RUNX1T1: variants seen among roughly 807,000 people sequenced by gnomAD.
The protein encoded by RUNX1T1 is protein CBFA2T1.
RUNX1T1 carries 4 observed loss-of-function variants against 62.8 expected under a neutral mutation model. That is an observed-to-expected ratio of 0.06 (90% CI 0.03 to 0.15). RUNX1T1 has a LOEUF of 0.15. RUNX1T1 is among the 10% of genes least tolerant of loss of function. The probability of loss-of-function intolerance (pLI) is 1.00; values close to 1 mark genes in which losing one functional copy is unlikely to be tolerated. For missense variants in RUNX1T1, 508 were observed against 754.3 expected (o/e 0.67, Z 3.82); for synonymous variants, 291 against 286.0 (o/e 1.02, Z -0.18).
intron 10 of RUNX1T1, among the ~76,000 whole-genome samples, chr8:91,969,091 A>G (rs770069398): frequency 2.0e-5 from 3 of 152,182 alleles, no homozygotes; most frequent in Non-Finnish European, 4.4e-5. Context: ...AAAGAAAAAC[A>G]ATTATTACAG....
exon 11 of RUNX1T1, chr8:91,959,429 T>C (rs1231471532): frequency 7.0e-5 from 7 of 100,056 alleles, no homozygotes; most frequent in South Asian, 3.9e-4. Flanking sequence ...TGTGTGTGTG[T>C]GTGTGTGTGT....
rs182623184 is a variant in RUNX1T1, at chr8:92,012,500, T to C, written c.388-1409A>G. ...CCTTGCTGGCACCGATGCGAATGCA[T>C]TGGGTGACAGAGAACGGGTATGGGT... On this transcript the variant is annotated intron_variant, in intron 3 of 10. Transcript: ENST00000396218. Among the ~76,000 whole-genome samples, 27 of 152,148 alleles carry C rather than the reference T, an allele frequency of 1.8e-4. No homozygotes were observed. In the East Asian group the frequency reaches 4.1e-3, roughly 23 times the overall value.
At chr8:92,074,843 T>C (rs534703160) in intron 2 of RUNX1T1, among the ~76,000 whole-genome samples, 2 of 152,070 alleles carry the variant, frequency 1.3e-5, no homozygotes, top group East Asian at 1.9e-4. Context: ...CATCACAGTA[T>C]GAAGAAGGAG....
At chr8:91,982,236 C>CAA (rs34745107) in intron 8 of RUNX1T1, among the ~76,000 whole-genome samples, 2,168 of 79,088 alleles carry the variant, frequency 0.027, 76 homozygotes, top group African/African-American at 0.087. Context: ...GACCCTGTCT[C>CAA]AAAAAAAAAA....
At chr8:91,959,475 CGT>C (rs375805701) in exon 11 of RUNX1T1, 118 of 34,018 alleles carry the variant, frequency 3.5e-3, no homozygotes, top group Non-Finnish European at 6.0e-3. Context: ...TGTATATGTG[CGT>C]GTGTGTGTGT....
intron 2 of RUNX1T1, among the ~76,000 whole-genome samples, chr8:92,072,547 G>C (rs989391387): frequency 6.6e-6 from 1 of 152,176 alleles, no homozygotes; most frequent in Non-Finnish European, 1.5e-5. Flanking sequence ...GAGACCAAAA[G>C]AGAGAAGAAT....
chr8:92,018,923 C>T (rs941462806), intron 1 of RUNX1T1, among the ~76,000 whole-genome samples: 1 of 152,122 alleles, frequency 6.6e-6, no homozygotes, highest in Admixed American at 6.5e-5. Context: ...TGAATAACAA[C>T]GGATGTCCCT....
intron 1 of RUNX1T1, among the ~76,000 whole-genome samples, chr8:92,041,091 T>G: frequency 6.6e-6 from 1 of 152,318 alleles, no homozygotes; most frequent in East Asian, 1.9e-4. Flanking sequence ...TTTACATGAG[T>G]TAACTCATTT....
intron 3 of RUNX1T1, among the ~76,000 whole-genome samples, chr8:92,011,772 T>C (rs1821978724): frequency 6.6e-6 from 1 of 152,100 alleles, no homozygotes; most frequent in Non-Finnish European, 1.5e-5. Flanking sequence ...CTAAGCAAAA[T>C]TAACTCAGAT....
At chr8:92,094,109 A>G (rs1837436855) in intron 1 of RUNX1T1, among the ~76,000 whole-genome samples, 1 of 152,222 alleles carries the variant, frequency 6.6e-6, no homozygotes, top group African/African-American at 2.4e-5. Flanking sequence ...ATGCTCACTG[A>G]GGCAACAGCA....
chr8:92,027,779 A>G (rs1825491344), intron 1 of RUNX1T1, among the ~76,000 whole-genome samples: 1 of 152,086 alleles, frequency 6.6e-6, no homozygotes, highest in South Asian at 2.1e-4. Flanking sequence ...GAAACCAGGT[A>G]AGAGAATGAG....
At chr8:92,008,856 A>C (rs1424077055) in intron 4 of RUNX1T1, among the ~76,000 whole-genome samples, 1 of 152,214 alleles carries the variant, frequency 6.6e-6, no homozygotes, top group Non-Finnish European at 1.5e-5. Flanking sequence ...AGACTATAGA[A>C]ATTGGGTGTG....
At chr8:92,102,483 C>A (rs1483431810), upstream of RUNX1T1, among the ~76,000 whole-genome samples, 1 of 151,940 alleles carries the variant, frequency 6.6e-6, no homozygotes, top group Non-Finnish European at 1.5e-5. The surrounding 1 kb of genome is among the most constrained non-coding windows in gnomAD (Gnocchi z 4.5). Flanking sequence ...GGGCCACCTG[C>A]CAAATGCACT....
Position 92,018,658 on chromosome 8 carries a change from A to G in RUNX1T1, c.8-1295T>C, listed in dbSNP as rs116558287. 7.9e-3 allele frequency among the ~76,000 whole-genome samples: 1,198 copies of G among 152,362 alleles called. 10 individuals carry two copies. The highest frequency in any genetic ancestry group is 0.026 in the African/African-American group (1,102 of 41,592). ...AAGGTCAATTATTGAAAGAAAAAGA[A>G]AAACCCAAATTACTACTATAACAAT... On this transcript the variant is annotated intron_variant, in intron 1 of 10. Coordinates refer to ENST00000396218, the Ensembl canonical transcript of RUNX1T1.
At chr8:92,020,675 T>A (rs562489613) in intron 1 of RUNX1T1, among the ~76,000 whole-genome samples, 10 of 152,328 alleles carry the variant, frequency 6.6e-5, no homozygotes, top group Non-Finnish European at 1.2e-4. Flanking sequence ...CTGTGTAACG[T>A]TTCTCTCACA....
At chr8:92,013,741 T>C (rs1822443310) in intron 3 of RUNX1T1, among the ~76,000 whole-genome samples, 1 of 152,216 alleles carries the variant, frequency 6.6e-6, no homozygotes, top group Non-Finnish European at 1.5e-5. Context: ...TGTGACAATG[T>C]GCAGAACGTA....
At chr8:92,095,228 T>C (rs909331977) in intron 1 of RUNX1T1, 3 of 1,532,104 alleles carry the variant, frequency 2.0e-6, no homozygotes, top group Admixed American at 2.0e-5. Context: ...CTTATCGACT[T>C]CTGAATCATT....
chr8:92,059,360 T>C (rs867779594), intron 1 of RUNX1T1, among the ~76,000 whole-genome samples: 44 of 152,332 alleles, frequency 2.9e-4, no homozygotes, highest in Middle Eastern at 6.8e-3. Context: ...GTTCAGTTAC[T>C]AGGGATACTA....
At chr8:91,989,913 A>T (rs931322681) in intron 6 of RUNX1T1, among the ~76,000 whole-genome samples, 5 of 152,198 alleles carry the variant, frequency 3.3e-5, no homozygotes, top group South Asian at 2.1e-4. Context: ...CACAAATTAT[A>T]TGCATAGCCA....
Sources: gnomAD v4.1 joint callset for allele counts (sites outside exome capture counted in the v4.1 genomes callset) on GRCh38, gnomAD v4.1.1 for gene constraint, Gnocchi (gnomAD v3.1) non-coding constraint, MANE v1.5 for transcripts, NCBI Gene and HGNC (gene_info 2026-07-23, HGNC 2026-07-21) for gene names.